NPAS3: variants seen among roughly 807,000 people sequenced by gnomAD.
The protein encoded by NPAS3 is neuronal PAS domain-containing protein 3.
In NPAS3, 14 loss-of-function variants were observed where a neutral mutation model predicts 73.1. The observed-to-expected ratio is 0.19, with a 90% CI of 0.13 to 0.30. The LOEUF is 0.30. Ranked by LOEUF, NPAS3 falls within the 10% of genes least tolerant of loss-of-function variation. The pLI, the probability that NPAS3 is intolerant of heterozygous loss-of-function variation, is 1.00. For synonymous variants in NPAS3, 620 were observed against 541.5 expected, an observed-to-expected ratio of 1.14 and a Z score of -2.01; for missense variants, 1,096 against 1,250.0, an observed-to-expected ratio of 0.88 and a Z score of 1.86.
At chr14:32,957,269 A>G (rs2036708131) in intron 1 of NPAS3, among the ~76,000 whole-genome samples, 1 of 152,106 alleles carries the variant, frequency 6.6e-6, no homozygotes, top group African/African-American at 2.4e-5. Flanking sequence ...TATATTAAAC[A>G]TAGTGATAAG....
chr14:32,997,816 G>C (rs1477678748), intron 1 of NPAS3, among the ~76,000 whole-genome samples: 1 of 150,434 alleles, frequency 6.6e-6, no homozygotes, highest in East Asian at 2.0e-4. Flanking sequence ...CACCATGATT[G>C]TGAGGCTTCC....
At chr14:33,166,156 A>G (rs2045137451) in intron 2 of NPAS3, among the ~76,000 whole-genome samples, 1 of 151,398 alleles carries the variant, frequency 6.6e-6, no homozygotes. Context: ...CCTCCCCCTC[A>G]CCCCTCGGTT....
At chr14:32,951,515 T>C (rs2036483809) in intron 1 of NPAS3, among the ~76,000 whole-genome samples, 1 of 152,098 alleles carries the variant, frequency 6.6e-6, no homozygotes, top group African/African-American at 2.4e-5. Context: ...TAGGATGCCT[T>C]AAGTTAAATT....
chr14:33,689,574 C>T (rs961048571), intron 6 of NPAS3, among the ~76,000 whole-genome samples: 1 of 152,096 alleles, frequency 6.6e-6, no homozygotes, highest in African/African-American at 2.4e-5. Context: ...AATCGTAGTA[C>T]CCAAAAGATA....
chr14:33,526,655 A>T (rs969549912), intron 4 of NPAS3, among the ~76,000 whole-genome samples: 2 of 151,856 alleles, frequency 1.3e-5, no homozygotes, highest in East Asian at 3.9e-4. Context: ...GTTACTGAAT[A>T]TATATTAAGG....
At chr14:33,510,877 CCAA>C (rs1302474374) in intron 4 of NPAS3, among the ~76,000 whole-genome samples, 1 of 151,986 alleles carries the variant, frequency 6.6e-6, no homozygotes, top group Non-Finnish European at 1.5e-5. Flanking sequence ...TTCTTCTTTA[CCAA>C]CATGTTGAAT....
At chr14:33,280,425 C>A (rs1047474619) in intron 3 of NPAS3, among the ~76,000 whole-genome samples, 10 of 152,048 alleles carry the variant, frequency 6.6e-5, no homozygotes, top group African/African-American at 2.4e-4. Context: ...AAGAGCCATG[C>A]CAATACTGAG....
At chr14:33,479,520 C>A (rs1221748256) in intron 4 of NPAS3, among the ~76,000 whole-genome samples, 1 of 152,134 alleles carries the variant, frequency 6.6e-6, no homozygotes, top group Non-Finnish European at 1.5e-5. Context: ...AAACAAGTTA[C>A]CCCCAAAGGA....
At chr14:33,308,525 T>TATAC (rs1226650359) in intron 3 of NPAS3, among the ~76,000 whole-genome samples, 1 of 82,492 alleles carries the variant, frequency 1.2e-5, no homozygotes. Context: ...TATATATATA[T>TATAC]ATACATACAC....
chr14:33,429,440 C>T (rs112912932), intron 4 of NPAS3, among the ~76,000 whole-genome samples: 17 of 152,212 alleles, frequency 1.1e-4, no homozygotes, highest in African/African-American at 2.9e-4. Flanking sequence ...GTTTTCTACA[C>T]GCAAATTAGT....
At chr14:33,038,749 C>G (rs1283751715) in intron 1 of NPAS3, among the ~76,000 whole-genome samples, 4 of 152,098 alleles carry the variant, frequency 2.6e-5, no homozygotes, top group African/African-American at 9.7e-5. Context: ...AACATCCAAT[C>G]AGATATTTTA....
chr14:32,937,626 G>C (rs2035739444), upstream of NPAS3, among the ~76,000 whole-genome samples: 1 of 152,208 alleles, frequency 6.6e-6, no homozygotes, highest in Non-Finnish European at 1.5e-5. Context: ...AAACATTTAT[G>C]TGTTCCTTTG....
intron 2 of NPAS3, among the ~76,000 whole-genome samples, chr14:33,111,937 G>C (rs1336155219): frequency 6.6e-6 from 1 of 151,720 alleles, no homozygotes; most frequent in Non-Finnish European, 1.5e-5. Flanking sequence ...TTTGTCCTTG[G>C]TGATAGTTTG....
intron 1 of NPAS3, among the ~76,000 whole-genome samples, chr14:32,983,754 C>G (rs1042187067): frequency 6.6e-6 from 1 of 152,108 alleles, no homozygotes; most frequent in Admixed American, 6.5e-5. Context: ...TGGAGTCTTG[C>G]TCTTTCACCC....
At chr14:33,245,646 C>A (rs575308625) in intron 3 of NPAS3, among the ~76,000 whole-genome samples, 41 of 152,226 alleles carry the variant, frequency 2.7e-4, no homozygotes, top group Admixed American at 2.2e-3. Flanking sequence ...CTGTTATTCA[C>A]AAGAAATATT....
intron 7 of NPAS3, among the ~76,000 whole-genome samples, chr14:33,750,156 T>C (rs1347700009): frequency 1.3e-5 from 2 of 151,910 alleles, no homozygotes; most frequent in Non-Finnish European, 2.9e-5. Flanking sequence ...TACCAAACAG[T>C]GAGGCGTTGT....
intron 6 of NPAS3, among the ~76,000 whole-genome samples, chr14:33,709,545 T>TTTGGGGAGTTGATATTATGAGTAAC: frequency 6.6e-6 from 1 of 152,132 alleles, no homozygotes; most frequent in Non-Finnish European, 1.5e-5. Flanking sequence ...ACAAGGAAAG[T>TTTGGGGAGTTGATATTATGAGTAAC]TTGGGGAGTT....
intron 4 of NPAS3, among the ~76,000 whole-genome samples, chr14:33,510,206 G>T (rs2140003595): frequency 6.6e-6 from 1 of 152,176 alleles, no homozygotes; most frequent in Non-Finnish European, 1.5e-5. Context: ...AGCACAGCAG[G>T]TGGGACAGCG....
chr14:33,784,749 T>A (rs12881160), intron 9 of NPAS3, among the ~76,000 whole-genome samples: 91 of 47,776 alleles, frequency 1.9e-3, no homozygotes, highest in South Asian at 6.0e-3. Context: ...TTATTTATTT[T>A]TTTTTTTTTT....
Sources: gnomAD v4.1 joint callset for allele counts (sites outside exome capture counted in the v4.1 genomes callset) on GRCh38, gnomAD v4.1.1 for gene constraint, MANE v1.5 for transcripts, NCBI Gene and HGNC (gene_info 2026-07-23, HGNC 2026-07-21) for gene names.